Variants in LPP observed in about 807,000 individuals in gnomAD.
LPP encodes the protein lipoma-preferred partner.
In LPP, 38 loss-of-function variants were observed where a neutral mutation model predicts 60.4. That is an observed-to-expected ratio of 0.63 (90% CI 0.49 to 0.83). LPP has a LOEUF of 0.83. Ranked by LOEUF, LPP falls within the 40% of genes least tolerant of loss-of-function variation. The pLI is 0.00. For missense variants in LPP, 902 were observed against 783.6 expected (o/e 1.15, Z -1.80); for synonymous variants, 328 against 290.8 (o/e 1.13, Z -1.30).
At chr3:188,538,721 T>A (rs1159071095) in intron 6 of LPP, among the ~76,000 whole-genome samples, 1 of 152,188 alleles carries the variant, frequency 6.6e-6, no homozygotes, top group African/African-American at 2.4e-5. Flanking sequence ...CACAAAGACC[T>A]GTATAGAGAT....
intron 9 of LPP, among the ~76,000 whole-genome samples, chr3:188,821,478 A>G (rs1416607166): frequency 1.3e-5 from 2 of 151,790 alleles, no homozygotes; most frequent in African/African-American, 2.4e-5. Flanking sequence ...CCAAAAGGAT[A>G]AATTTCAAAA....
chr3:188,463,522 G>A (rs543123838), intron 4 of LPP, among the ~76,000 whole-genome samples: 26 of 152,050 alleles, frequency 1.7e-4, no homozygotes, highest in South Asian at 2.1e-4. Context: ...CATTAATGTC[G>A]TCTTATTCCT....
At chr3:188,520,023 G>A (rs992688462) in intron 5 of LPP, among the ~76,000 whole-genome samples, 8 of 152,068 alleles carry the variant, frequency 5.3e-5, no homozygotes, top group African/African-American at 1.2e-4. Context: ...GTACATTTTG[G>A]TTCTGGGCTA....
chr3:188,798,356 G>C (rs779270150), intron 9 of LPP, among the ~76,000 whole-genome samples: 3 of 152,140 alleles, frequency 2.0e-5, no homozygotes, highest in Non-Finnish European at 2.9e-5. Flanking sequence ...TACTTTCTCA[G>C]TATCAAATTA....
intron 1 of LPP, among the ~76,000 whole-genome samples, chr3:188,194,573 A>G (rs1035524663): frequency 6.6e-6 from 1 of 152,220 alleles, no homozygotes; most frequent in Non-Finnish European, 1.5e-5. Context: ...TCTTTTTCCT[A>G]GGAAAATCAG....
chr3:188,747,067 T>C (rs1383917745), intron 8 of LPP, among the ~76,000 whole-genome samples: 2 of 152,172 alleles, frequency 1.3e-5, no homozygotes, highest in Non-Finnish European at 2.9e-5. Context: ...ATTTATTTTA[T>C]AAAAGGGAGT....
At chr3:188,587,749 C>T (rs1196003272) in intron 6 of LPP, among the ~76,000 whole-genome samples, 1 of 152,150 alleles carries the variant, frequency 6.6e-6, no homozygotes, top group African/African-American at 2.4e-5. Flanking sequence ...AGTTGCGAAT[C>T]TTGTAGGGTC....
At chr3:188,638,823 T>G (rs1475060260) in intron 7 of LPP, among the ~76,000 whole-genome samples, 1 of 148,226 alleles carries the variant, frequency 6.7e-6, no homozygotes, top group Non-Finnish European at 1.5e-5. Flanking sequence ...GTGAAGGACC[T>G]CTTCAAGGAG....
chr3:188,646,974 C>T (rs1441394042), intron 7 of LPP, among the ~76,000 whole-genome samples: 2 of 152,214 alleles, frequency 1.3e-5, no homozygotes, highest in Non-Finnish European at 2.9e-5. Flanking sequence ...GAATATGTGC[C>T]AAGCAGAGTG....
intron 4 of LPP, among the ~76,000 whole-genome samples, chr3:188,465,437 C>G (rs1484756334): frequency 6.6e-6 from 1 of 152,180 alleles, no homozygotes; most frequent in African/African-American, 2.4e-5. Context: ...GCCCCAAACA[C>G]TGGGCTTAAT....
At chr3:188,254,693 G>A (rs1731049340) in intron 2 of LPP, among the ~76,000 whole-genome samples, 1 of 151,982 alleles carries the variant, frequency 6.6e-6, no homozygotes, top group African/African-American at 2.4e-5. Context: ...GACACAAACA[G>A]CTCCCTGCCT....
chr3:188,192,716 A>G (rs1728503081), intron 1 of LPP, among the ~76,000 whole-genome samples: 1 of 152,158 alleles, frequency 6.6e-6, no homozygotes, highest in African/African-American at 2.4e-5. Flanking sequence ...CCGCTTTTCC[A>G]CTGTATGGCC....
At chr3:188,346,131 C>T (rs1764274229) in intron 3 of LPP, among the ~76,000 whole-genome samples, 1 of 151,226 alleles carries the variant, frequency 6.6e-6, no homozygotes, top group East Asian at 1.9e-4. Context: ...ATTATAAGTT[C>T]CACTACCCAT....
At chr3:188,379,255 A>T (rs1209192575) in intron 3 of LPP, among the ~76,000 whole-genome samples, 1 of 152,188 alleles carries the variant, frequency 6.6e-6, no homozygotes, top group Non-Finnish European at 1.5e-5. Flanking sequence ...AGCCACAATG[A>T]AATATATTAA....
chr3:188,533,467 A>C (rs1579713671), intron 6 of LPP, among the ~76,000 whole-genome samples: 4 of 152,278 alleles, frequency 2.6e-5, no homozygotes. Context: ...ATAGGTGTGG[A>C]TAGTGGCATC....
chr3:188,736,001 A>T (rs1299831851), intron 8 of LPP, among the ~76,000 whole-genome samples: 1 of 152,238 alleles, frequency 6.6e-6, no homozygotes, highest in Non-Finnish European at 1.5e-5. Context: ...TAGAAGTTTA[A>T]ACTATTTTAA....
intron 6 of LPP, among the ~76,000 whole-genome samples, chr3:188,547,535 A>C (rs1826976270): frequency 6.6e-6 from 1 of 152,182 alleles, no homozygotes; most frequent in African/African-American, 2.4e-5. Flanking sequence ...TCATGTGGTA[A>C]CATTCATGAT....
chr3:188,265,756 T>A (rs1190799368), intron 2 of LPP, among the ~76,000 whole-genome samples: 1 of 151,950 alleles, frequency 6.6e-6, no homozygotes, highest in African/African-American at 2.4e-5. Flanking sequence ...GATATCTGTA[T>A]CCAATCAGAG....
At chr3:188,177,102 G>A (rs956908907) in intron 1 of LPP, among the ~76,000 whole-genome samples, 7 of 152,240 alleles carry the variant, frequency 4.6e-5, no homozygotes, top group African/African-American at 7.2e-5. Context: ...TTGATCTGAG[G>A]GAGAGACCTG....
Sources: allele counts gnomAD v4.1 joint callset (sites outside exome capture counted in the v4.1 genomes callset), GRCh38; gene constraint gnomAD v4.1.1; transcripts MANE v1.5; gene names NCBI Gene and HGNC (gene_info 2026-07-23, HGNC 2026-07-21).